NEBL: variants seen among roughly 807,000 people sequenced by gnomAD.
NEBL encodes the protein LIM and SH3 protein 2.
NEBL carries 122 observed loss-of-function variants against 140.2 expected under a neutral mutation model. That is an observed-to-expected ratio of 0.87 (90% CI 0.75 to 1.01). The LOEUF is 1.01. Ranked by LOEUF, NEBL falls within the 50% of genes least tolerant of loss-of-function variation. The pLI is 0.00. For synonymous variants in NEBL, 436 were observed against 398.9 expected, an observed-to-expected ratio of 1.09 and a Z score of -1.11; for missense variants, 1,365 against 1,231.3, an observed-to-expected ratio of 1.11 and a Z score of -1.62.
rs149960843 is a variant in NEBL at position 21,233,635 on chromosome 10, G to C, written n.348+14286C>G. Among the ~76,000 whole-genome samples the C allele has an allele frequency of 2.8e-3, 393 of 142,720 alleles. 2 individuals are homozygous for C. Among genetic ancestry groups the C allele is most frequent in the African/African-American group, 9.5e-3 (372 of 38,984 alleles). The allele number at this position is 142,720 out of a possible 152,430, so 93.6% of individuals were successfully genotyped here. ...ATATATAGATATATATCTATATAGA[G>C]AGACTTATCTATATATACATATATA... On this transcript the variant is annotated intron_variant and non_coding_transcript_variant, in intron 3 of 8. Coordinates refer to the NEBL transcript ENST00000675702.
intron 4 of NEBL, among the ~76,000 whole-genome samples, chr10:20,937,486 G>A (rs1253989321): frequency 6.6e-6 from 1 of 152,280 alleles, no homozygotes; most frequent in East Asian, 1.9e-4. Context: ...AATAGGAACA[G>A]CTCCAGTCTA....
upstream of NEBL, among the ~76,000 whole-genome samples, chr10:21,177,791 G>A (rs1049540392): frequency 6.6e-5 from 10 of 152,170 alleles, no homozygotes; most frequent in African/African-American, 7.2e-5. Context: ...GCCTCCCAAA[G>A]TGCTGGGATT....
intron 2 of NEBL, among the ~76,000 whole-genome samples, chr10:21,118,815 C>G (rs1482475778): frequency 6.6e-6 from 1 of 152,054 alleles, no homozygotes; most frequent in African/African-American, 2.4e-5. Flanking sequence ...ATAGAAAATA[C>G]AAACACTGGA....
intron 2 of NEBL, among the ~76,000 whole-genome samples, chr10:21,166,241 A>G (rs1357717487): frequency 1.5e-4 from 15 of 103,270 alleles, no homozygotes; most frequent in African/African-American, 2.0e-4. Flanking sequence ...AAAAAAAAAA[A>G]AAAAGAAAAG....
chr10:21,103,182 A>C (rs1452891557), intron 2 of NEBL, among the ~76,000 whole-genome samples: 1 of 151,658 alleles, frequency 6.6e-6, no homozygotes, highest in East Asian at 1.9e-4. Context: ...GGAGCATATG[A>C]GAGTTCCAGT....
At chr10:21,158,594 C>G (rs1439772874) in intron 2 of NEBL, among the ~76,000 whole-genome samples, 3 of 152,160 alleles carry the variant, frequency 2.0e-5, no homozygotes, top group South Asian at 2.1e-4. Context: ...CACATCCGCT[C>G]TCACTGCTAA....
intron 2 of NEBL, among the ~76,000 whole-genome samples, chr10:21,066,746 G>A (rs1371805300): frequency 6.6e-6 from 1 of 152,040 alleles, no homozygotes; most frequent in African/African-American, 2.4e-5. Flanking sequence ...TCATTTACTG[G>A]GTCAAATGCA....
chr10:20,965,203 C>A (rs1836247252), intron 3 of NEBL, among the ~76,000 whole-genome samples: 1 of 152,146 alleles, frequency 6.6e-6, no homozygotes, highest in Non-Finnish European at 1.5e-5. Context: ...AGTCAATGGT[C>A]CCTGCCTTCA....
At chr10:21,024,926 G>A (rs538084436) in intron 2 of NEBL, among the ~76,000 whole-genome samples, 10 of 152,260 alleles carry the variant, frequency 6.6e-5, no homozygotes, top group Non-Finnish European at 1.5e-4. Flanking sequence ...AACACGAATC[G>A]GTAGCACCAT....
intron 2 of NEBL, among the ~76,000 whole-genome samples, chr10:21,036,784 A>G (rs187632207): frequency 1.4e-3 from 218 of 152,202 alleles, no homozygotes; most frequent in African/African-American, 5.1e-3. Context: ...CCGCCTGAGC[A>G]TGGACATACC....
intron 4 of NEBL, among the ~76,000 whole-genome samples, chr10:20,931,269 T>TA (rs936121627): frequency 1.3e-5 from 2 of 151,880 alleles, no homozygotes; most frequent in Admixed American, 6.5e-5. Flanking sequence ...ATGAGATTTT[T>TA]AAAAAAAAAT....
chr10:20,978,649 C>T (rs569112887), intron 3 of NEBL, among the ~76,000 whole-genome samples: 1 of 151,932 alleles, frequency 6.6e-6, no homozygotes, highest in African/African-American at 2.4e-5. Flanking sequence ...TTCCCAGCTA[C>T]TCAGGAGGCT....
intron 2 of NEBL, among the ~76,000 whole-genome samples, chr10:21,250,727 A>G (rs1842577723): frequency 6.6e-6 from 1 of 152,054 alleles, no homozygotes; most frequent in African/African-American, 2.4e-5. Flanking sequence ...CCTGGCCAAC[A>G]TGGTGAAACC....
chr10:21,153,681 A>C lies in NEBL; in HGVS notation c.164+18702T>G, dbSNP rs757768317. ...CAGATGCACACCACCACAACCAGCT[A>C]ATTTTTGTATTTTCAGTACAGACGG... On this transcript the variant is annotated intron_variant, in intron 2 of 6. Coordinates refer to the NEBL transcript ENST00000417816. Among the ~76,000 whole-genome samples, 3 of 152,128 alleles carry C rather than the reference A, an allele frequency of 2.0e-5. No homozygotes were observed. In the South Asian group the frequency reaches 6.2e-4, roughly 32 times the overall value.
intron 4 of NEBL, among the ~76,000 whole-genome samples, chr10:20,931,565 G>C (rs1040945666): frequency 1.3e-5 from 2 of 152,030 alleles, no homozygotes; most frequent in East Asian, 3.9e-4. Flanking sequence ...CCATGGCTGT[G>C]GCCTGGAAAA....
intron 3 of NEBL, among the ~76,000 whole-genome samples, chr10:20,998,298 T>C (rs575721821): frequency 6.6e-6 from 1 of 152,292 alleles, no homozygotes; most frequent in East Asian, 1.9e-4. Context: ...CACAGCTCCC[T>C]CATCTACAAA....
At chr10:20,817,120 C>T (rs1838794763) in intron 21 of NEBL, among the ~76,000 whole-genome samples, 1 of 152,256 alleles carries the variant, frequency 6.6e-6, no homozygotes, top group Middle Eastern at 3.4e-3. Context: ...TGGCACACAT[C>T]TGTAATCCCA....
chr10:21,100,250 C>T lies in NEBL; in HGVS notation c.164+72133G>A, dbSNP rs186356061. ...GTGTGTGGGATGTGTGGTACCCGAC[C>T]ATTCCCCACCATCAGCCGGTCCTTT... On this transcript the variant is annotated intron_variant, in intron 2 of 6. Transcript: ENST00000417816. 3.9e-5 allele frequency among the ~76,000 whole-genome samples: 6 copies of T among 152,296 alleles called. No homozygotes were observed. The East Asian group carries it at 1.2e-3, about 29-fold the overall frequency.
At chr10:20,827,626 A>G (rs1840000796) in intron 17 of NEBL, among the ~76,000 whole-genome samples, 1 of 152,216 alleles carries the variant, frequency 6.6e-6, no homozygotes, top group Non-Finnish European at 1.5e-5. Context: ...CTCTTAATTA[A>G]TAGTGCTGAT....
Sources: allele counts gnomAD v4.1 joint callset (sites outside exome capture counted in the v4.1 genomes callset), GRCh38; gene constraint gnomAD v4.1.1; transcripts MANE v1.5; gene names NCBI Gene and HGNC (gene_info 2026-07-23, HGNC 2026-07-21).